The following CDC42BPB variants were observed in gnomAD, a reference collection of about 807,000 sequenced individuals.
CDC42BPB encodes serine/threonine-protein kinase MRCK beta.
In CDC42BPB, 37 loss-of-function variants were observed where a neutral mutation model predicts 214.9. The ratio of observed to expected loss-of-function variants is 0.17; its 90% CI spans 0.13 to 0.23. The LOEUF (loss-of-function observed/expected upper bound fraction) is 0.23, where lower values mean the gene tolerates loss of function less well. CDC42BPB is among the 10% of genes least tolerant of loss of function. The pLI, the probability that CDC42BPB is intolerant of heterozygous loss-of-function variation, is 1.00. For missense variants in CDC42BPB, 1,694 were observed against 2,227.0 expected (o/e 0.76, Z 4.82); for synonymous variants, 931 against 884.0 (o/e 1.05, Z -0.94).
intron 15 of CDC42BPB, 51 bp from the exon 16 acceptor site, chr14:102,968,409 T>C (rs775069975): frequency 2.9e-5 from 47 of 1,611,886 alleles, no homozygotes; most frequent in Non-Finnish European, 3.7e-5. Context: ...TTCACTGATA[T>C]TCGTATCTAT....
At chr14:102,949,187 A>G (rs1443862983) in intron 26 of CDC42BPB, among the ~76,000 whole-genome samples, 3 of 152,180 alleles carry the variant, frequency 2.0e-5, no homozygotes, top group Admixed American at 1.3e-4. Context: ...AACATTCCAC[A>G]TGCCAGTAAC....
chr14:102,954,337 C>T (rs572769257), intron 22 of CDC42BPB, 62 bp from the exon 23 acceptor site: 36 of 1,441,762 alleles, frequency 2.5e-5, no homozygotes, highest in Non-Finnish European at 3.3e-5. Flanking sequence ...ACACCTGGCC[C>T]TACGGGGTGC....
Position 102,966,298 on chromosome 14 carries a change from A to C in CDC42BPB, c.2561T>G (p.Leu854Arg), listed in dbSNP as rs1359074921. 1 of 1,613,386 alleles carries C rather than the reference A, an allele frequency of 6.2e-7. No individual in the cohort carries two copies. Among genetic ancestry groups the C allele is most frequent in the Non-Finnish European group, 8.5e-7 (1 of 1,179,294 alleles). The change falls in exon 18 of 37, where the codon CTG becomes CGG. Residue 854 changes from leucine to arginine, a missense_variant. By Grantham distance (102) the Leu-to-Arg change is moderately radical. Around this residue, in one of 7 missense-constraint regions of CDC42BPB, gnomAD observed 55 missense variants for 95.5 expected, o/e 0.58. Transcript: ENST00000361246. ...AAAACCTACCAGTGTTCTTGACCCCAGACTAGAACTCCTCAAAGCCTCGAG... is the reference window on the plus strand; with the variant it reads ...AAAACCTACCAGTGTTCTTGACCCCCGACTAGAACTCCTCAAAGCCTCGAG... ...EELEALRSSS[L>R]GSRTLDPLWK...
intron 1 of CDC42BPB, among the ~76,000 whole-genome samples, chr14:103,014,465 T>A (rs774422903): frequency 6.6e-6 from 1 of 152,214 alleles, no homozygotes; most frequent in African/African-American, 2.4e-5. Flanking sequence ...CTGGGGGAAC[T>A]GAGTGAAGTG....
rs538371305 is a variant in CDC42BPB at position 103,023,972 on chromosome 14, G to T, written c.176-11784C>A. 2.6e-5 allele frequency among the ~76,000 whole-genome samples: 4 copies of T among 152,266 alleles called. No individual in the cohort carries two copies. The East Asian group carries it at 7.7e-4, about 29-fold the overall frequency. On this transcript the variant is annotated intron_variant, in intron 1 of 36. Transcript: ENST00000361246. The stretch of plus-strand genomic sequence containing the variant: ...CACCAGCAGCACTGATGGGGGCGGT[G>T]CCCACCCCGGCCCCAGGAACAGGAT...
At chr14:102,940,974 A>G (rs1045671698) in intron 30 of CDC42BPB, 14 of 355,626 alleles carry the variant, frequency 3.9e-5, no homozygotes, top group Admixed American at 6.4e-5. Context: ...GTTGGCTTAC[A>G]GAAGCAACTC....
chr14:102,935,846 A>T (rs1891627700), intron 36 of CDC42BPB, among the ~76,000 whole-genome samples: 1 of 152,128 alleles, frequency 6.6e-6, no homozygotes, highest in Non-Finnish European at 1.5e-5. Context: ...ACATCTGCAC[A>T]TCACATCTCT....
intron 1 of CDC42BPB, among the ~76,000 whole-genome samples, chr14:103,046,331 G>A (rs1318954285): frequency 6.6e-6 from 1 of 152,110 alleles, no homozygotes; most frequent in Non-Finnish European, 1.5e-5. Flanking sequence ...CAGGGTCCAT[G>A]CTCTATTTCC....
intron 1 of CDC42BPB, among the ~76,000 whole-genome samples, chr14:103,014,223 A>G (rs994241342): frequency 6.6e-6 from 1 of 151,304 alleles, no homozygotes; most frequent in African/African-American, 2.4e-5. Context: ...CTTCCCAGGA[A>G]CACAGAGCAC....
intron 24 of CDC42BPB, among the ~76,000 whole-genome samples, chr14:102,951,196 C>T (rs544807268): frequency 1.2e-4 from 19 of 152,306 alleles, no homozygotes; most frequent in African/African-American, 4.3e-4. Flanking sequence ...AGTTTCTACA[C>T]GGCAATTCAG....
chr14:102,961,914 C>T (rs911685027), intron 20 of CDC42BPB, among the ~76,000 whole-genome samples: 7 of 152,154 alleles, frequency 4.6e-5, no homozygotes, highest in Non-Finnish European at 8.8e-5. Context: ...ATACTTGCAA[C>T]TTACATCACA....
intron 9 of CDC42BPB, among the ~76,000 whole-genome samples, chr14:102,977,039 G>C (rs1277400095): frequency 6.6e-6 from 1 of 152,070 alleles, no homozygotes; most frequent in African/African-American, 2.4e-5. Context: ...TTCCAAGCTC[G>C]AGCAGAAGTA....
At chr14:102,942,161 G>C (rs1044668937) in intron 30 of CDC42BPB, among the ~76,000 whole-genome samples, 1 of 152,204 alleles carries the variant, frequency 6.6e-6, no homozygotes, top group Non-Finnish European at 1.5e-5. Flanking sequence ...CCAGGACAAG[G>C]GGTGCTGAGG....
intron 1 of CDC42BPB, among the ~76,000 whole-genome samples, chr14:103,045,772 G>A (rs1888252319): frequency 6.6e-6 from 1 of 152,102 alleles, no homozygotes; most frequent in African/African-American, 2.4e-5. Context: ...TGAGAGCTGG[G>A]GCGTCTCGCA....
chr14:102,954,138 G>T, intron 23 of CDC42BPB, 60 bp downstream of exon 23: 3 of 1,098,496 alleles, frequency 2.7e-6, no homozygotes, highest in South Asian at 1.4e-5. Context: ...CTAAATAACT[G>T]AGAATAAATA....
At chr14:103,029,873 A>G (rs1349066826) in intron 1 of CDC42BPB, among the ~76,000 whole-genome samples, 1 of 151,604 alleles carries the variant, frequency 6.6e-6, no homozygotes, top group African/African-American at 2.4e-5. Flanking sequence ...AAAAAAAAAA[A>G]AAAAAAAAAA....
At chr14:102,948,084 T>C in intron 26 of CDC42BPB, 1 of 503,944 alleles carries the variant, frequency 2.0e-6, no homozygotes, top group Non-Finnish European at 2.5e-6. Context: ...AAGACTCGGT[T>C]TGCACTTGGC....
At chr14:102,978,311 T>A in intron 8 of CDC42BPB, 106 bp from the exon 9 acceptor site, 1 of 1,549,666 alleles carries the variant, frequency 6.5e-7, no homozygotes. Context: ...GGGCAGAACA[T>A]GTGGCCTTGG....
In CDC42BPB at chr14:103,035,851, A is replaced by C. The variant is rs370765559; in HGVS notation, c.175+21148T>G. Among the ~76,000 whole-genome samples the C allele has an allele frequency of 1.8e-4, 28 of 151,858 alleles. No individual in the cohort carries two copies. In the East Asian group the frequency reaches 3.7e-3, roughly 20 times the overall value. ...CAAGACTCTGTCTCAAAAAAAATAA[A>C]AAATAAAAAAAAATAAGGCCGGGCA... On this transcript the variant is annotated intron_variant, in intron 1 of 36. Transcript: ENST00000361246.
Sources: allele counts gnomAD v4.1 joint callset (sites outside exome capture counted in the v4.1 genomes callset), GRCh38; gene constraint gnomAD v4.1.1; regional missense constraint gnomAD v4.1.1; transcripts MANE v1.5; gene names NCBI Gene and HGNC (gene_info 2026-07-23, HGNC 2026-07-21).